PAG1: variants seen among roughly 807,000 people sequenced by gnomAD.
PAG1 encodes phosphoprotein associated with glycosphingolipid-enriched microdomains 1.
In PAG1, 23 loss-of-function variants were observed where a neutral mutation model predicts 31.7. The ratio of observed to expected loss-of-function variants is 0.73; its 90% CI spans 0.52 to 1.03. The LOEUF (loss-of-function observed/expected upper bound fraction) is 1.03. PAG1 is among the 50% of genes least tolerant of loss of function. The pLI is 0.00. For missense variants in PAG1, 473 were observed against 540.7 expected, an observed-to-expected ratio of 0.87 and a Z score of 1.24; for synonymous variants, 214 against 210.3, an observed-to-expected ratio of 1.02 and a Z score of -0.15.
intron 2 of PAG1, among the ~76,000 whole-genome samples, chr8:81,045,299 G>A (rs560083018): frequency 6.6e-6 from 1 of 152,282 alleles, no homozygotes; most frequent in Admixed American, 6.5e-5. Context: ...GCTATTTTCA[G>A]GTTGTTATTT....
intron 1 of PAG1, among the ~76,000 whole-genome samples, chr8:81,085,756 T>G (rs1224963519): frequency 6.6e-6 from 1 of 152,202 alleles, no homozygotes; most frequent in Non-Finnish European, 1.5e-5. Flanking sequence ...TAATGTTGAA[T>G]AAATTTGAGT....
At chr8:81,066,989 C>T (rs1809019031) in intron 2 of PAG1, among the ~76,000 whole-genome samples, 1 of 151,910 alleles carries the variant, frequency 6.6e-6, no homozygotes, top group East Asian at 1.9e-4. Context: ...GGTGAGACCC[C>T]ATCTCTACAA....
At chr8:81,052,003 G>A (rs1457667366) in intron 2 of PAG1, among the ~76,000 whole-genome samples, 4 of 151,682 alleles carry the variant, frequency 2.6e-5, no homozygotes, top group South Asian at 4.2e-4. Flanking sequence ...GGTGGTGGGC[G>A]CCTGTAGTCC....
chr8:80,969,348 CA>C lies in PAG1; in HGVS notation c.*7195del, dbSNP rs1451477630. The C allele has an allele frequency of 6.6e-6, 1 of 152,174 alleles. No homozygotes were observed. The highest frequency in any genetic ancestry group is 1.5e-5 in the Non-Finnish European group (1 of 68,034). The allele number at this position is 152,174 out of a possible 1,614,324, so 9.4% of individuals were successfully genotyped here. A position where few individuals can be genotyped will look rare whatever the true frequency, so the allele number is the denominator to read the frequency against. ...TTGTCAAAGGAATGCTCAAAATCCT[CA>C]ACCCATAGACTCAGGCTTTTGGTCC... On this transcript the variant is annotated 3_prime_UTR_variant, in exon 9 of 9. Transcript: ENST00000220597.
chr8:81,051,636 G>C (rs139863757), intron 2 of PAG1, among the ~76,000 whole-genome samples: 2 of 152,232 alleles, frequency 1.3e-5, no homozygotes, highest in Admixed American at 1.3e-4. Context: ...AACAATTTTT[G>C]TAAAGTTAAA....
intron 6 of PAG1, among the ~76,000 whole-genome samples, chr8:80,985,601 T>C (rs1807402458): frequency 6.6e-6 from 1 of 152,264 alleles, no homozygotes; most frequent in African/African-American, 2.4e-5. Context: ...TAATAAGTTA[T>C]CTTGGCTCTA....
At chr8:80,979,753 T>C (rs931606252) in intron 8 of PAG1, among the ~76,000 whole-genome samples, 2 of 152,186 alleles carry the variant, frequency 1.3e-5, no homozygotes, top group African/African-American at 2.4e-5. Flanking sequence ...AATTAAGGTG[T>C]TTAGCTCTCT....
chr8:81,018,312 A>G (rs2400339), intron 3 of PAG1, among the ~76,000 whole-genome samples: 1 of 151,074 alleles, frequency 6.6e-6, no homozygotes, highest in Non-Finnish European at 1.5e-5. Context: ...AGTGTACATT[A>G]TCATTTGGAT....
intron 2 of PAG1, among the ~76,000 whole-genome samples, chr8:81,059,689 C>A (rs1808886854): frequency 6.6e-6 from 1 of 152,130 alleles, no homozygotes; most frequent in African/African-American, 2.4e-5. Flanking sequence ...TCAGCCTCTG[C>A]AAAAAGGTCT....
intron 3 of PAG1, among the ~76,000 whole-genome samples, chr8:81,025,237 G>C (rs1202579793): frequency 1.3e-5 from 2 of 151,870 alleles, no homozygotes; most frequent in African/African-American, 2.4e-5. Flanking sequence ...AATATAAAAT[G>C]TAGGACATTC....
rs563524311 is a variant in PAG1, at chr8:81,089,249, C to G, written c.-233-19079G>C. ...TGGAGGGACTCAGGCAGACGCTGTG[C>G]ATGCAGTGGGTTTGTATCATACTTA... On this transcript the variant is annotated intron_variant, in intron 1 of 8. Transcript: ENST00000220597. Among the ~76,000 whole-genome samples, 3 of 152,264 alleles carry G rather than the reference C, an allele frequency of 2.0e-5. No individual in the cohort carries two copies. The East Asian group carries it at 5.8e-4, about 29-fold the overall frequency.
At chr8:81,093,935 G>A (rs547660455) in intron 1 of PAG1, among the ~76,000 whole-genome samples, 8 of 152,216 alleles carry the variant, frequency 5.3e-5, no homozygotes, top group African/African-American at 1.7e-4. Context: ...TCAGGGGGAG[G>A]TATAGCCCCT....
chr8:81,052,116 C>T (rs866972201), intron 2 of PAG1, among the ~76,000 whole-genome samples: 35 of 144,306 alleles, frequency 2.4e-4, no homozygotes, highest in East Asian at 1.8e-3. Flanking sequence ...GGCGACAGAG[C>T]GAGACTCCAT....
intron 1 of PAG1, among the ~76,000 whole-genome samples, chr8:81,107,362 A>C (rs555553506): frequency 6.6e-6 from 1 of 152,286 alleles, no homozygotes; most frequent in East Asian, 1.9e-4. Flanking sequence ...GAAAAGCATA[A>C]TATAGTCCAT....
chr8:81,056,990 CG>C (rs1385775468), intron 2 of PAG1, among the ~76,000 whole-genome samples: 1 of 152,172 alleles, frequency 6.6e-6, no homozygotes, highest in Admixed American at 6.5e-5. Flanking sequence ...CACTGGCCAT[CG>C]GAGAAATGCA....
chr8:81,079,103 G>A (rs1185808963), intron 1 of PAG1, among the ~76,000 whole-genome samples: 3 of 152,136 alleles, frequency 2.0e-5, no homozygotes, highest in Non-Finnish European at 4.4e-5. Context: ...ACATAGATTA[G>A]CAACCAGAGG....
intron 1 of PAG1, among the ~76,000 whole-genome samples, chr8:81,104,081 C>G (rs539858696): frequency 6.6e-6 from 1 of 152,152 alleles, no homozygotes; most frequent in Non-Finnish European, 1.5e-5. Flanking sequence ...TTCCCCCCAT[C>G]CCCTTTCCCA....
At chr8:81,069,386 A>G (rs961905298) in intron 2 of PAG1, among the ~76,000 whole-genome samples, 1 of 152,238 alleles carries the variant, frequency 6.6e-6, no homozygotes, top group East Asian at 1.9e-4. Flanking sequence ...CGGGCAGGCC[A>G]TAACACTTGA....
intron 1 of PAG1, among the ~76,000 whole-genome samples, chr8:81,107,988 T>G (rs1249360139): frequency 6.6e-6 from 1 of 152,272 alleles, no homozygotes; most frequent in East Asian, 1.9e-4. Context: ...ATATCCATAT[T>G]AAAATTAGTT....
Sources: gnomAD v4.1 joint callset for allele counts (sites outside exome capture counted in the v4.1 genomes callset) on GRCh38, gnomAD v4.1.1 for gene constraint, MANE v1.5 for transcripts, NCBI Gene and HGNC (gene_info 2026-07-23, HGNC 2026-07-21) for gene names.